Variants in KMT2A observed in about 807,000 individuals in gnomAD.
The protein encoded by KMT2A is lysine methyltransferase 2A.
A neutral mutation model predicts 345.3 loss-of-function variants in KMT2A; 16 were observed. That is an observed-to-expected ratio of 0.05 (90% CI 0.03 to 0.07). The LOEUF is 0.07. Ranked by LOEUF, KMT2A falls within the 10% of genes least tolerant of loss-of-function variation. The pLI is 1.00. For missense variants in KMT2A, 3,272 were observed against 4,841.6 expected (o/e 0.68, Z 9.62); for synonymous variants, 1,599 against 1,778.6 (o/e 0.90, Z 2.54).
At chr11:118,486,659 G>T (rs1477805615) in intron 10 of KMT2A, among the ~76,000 whole-genome samples, 2 of 152,036 alleles carry the variant, frequency 1.3e-5, no homozygotes, top group Non-Finnish European at 2.9e-5. Context: ...GACCGCTTGA[G>T]CTCAGGAGTT....
chr11:118,526,066 A>G lies in KMT2A; in HGVS notation c.*3894A>G, dbSNP rs1389981709. 1 of 217,938 alleles carries G rather than the reference A, an allele frequency of 4.6e-6. No homozygotes were observed. The highest frequency in any genetic ancestry group is 9.2e-6 in the Non-Finnish European group (1 of 108,446). 13.5% of individuals were successfully genotyped at this position (217,938 alleles called of 1,614,324 possible). ...CATGGCTTTTAATTCTCTTAACACT[A>G]TAGATAAGGATTGTGTTACAGTTGC... On this transcript the variant is annotated 3_prime_UTR_variant, in exon 36 of 36. Transcript: ENST00000534358.
rs781852468 is a variant in KMT2A, at chr11:118,505,794, C to T, written c.9902C>T (p.Pro3301Leu). The change falls in exon 27 of 36, where the codon CCG becomes CTG. Residue 3301 changes from proline (P) to leucine (L), a missense_variant. Transcript: ENST00000534358. The surrounding 1 kb of genome is among the most constrained non-coding windows in gnomAD (Gnocchi z 4.6). ...AAATCTAGCATCATGTATTTTGAACCGGCACCCCTGTTACCACAGAGTGTG... is the reference window on the plus strand; with the variant it reads ...AAATCTAGCATCATGTATTTTGAACTGGCACCCCTGTTACCACAGAGTGTG... ...RSKSSIMYFEPAPLLPQSVGG... is the reference protein window; with the variant it reads ...RSKSSIMYFELAPLLPQSVGG... 3 of 1,614,070 alleles carry T rather than the reference C, an allele frequency of 1.9e-6. No individual in the cohort carries two copies. Among genetic ancestry groups the T allele is most frequent in the Admixed American group, 3.3e-5 (2 of 60,012 alleles).
rs550341707 is a variant in KMT2A at position 118,511,001 on chromosome 11, T to C, written c.11071+883T>C. The stretch of plus-strand genomic sequence containing the variant: ...TCAGGTGAGATGGCATTGAAATCCA[T>C]GTGAGGTAATAGTGAAAGAGAAAAT... On this transcript the variant is annotated intron_variant, in intron 30 of 35. Transcript: ENST00000534358. 1.1e-4 allele frequency among the ~76,000 whole-genome samples: 17 copies of C among 152,186 alleles called. No homozygotes were observed. The East Asian group carries it at 3.3e-3, about 29-fold the overall frequency.
intron 2 of KMT2A, among the ~76,000 whole-genome samples, chr11:118,470,750 A>G (rs2134254696): frequency 6.6e-6 from 1 of 152,328 alleles, no homozygotes; most frequent in African/African-American, 2.4e-5. Context: ...GAATGTTATC[A>G]AAAGGGAAAA....
Position 118,472,244 on chromosome 11 carries a change from C to A in KMT2A, c.1085C>A (p.Pro362His), listed in dbSNP as rs1555035792. 6.2e-7 allele frequency: 1 copy of A among 1,613,972 alleles called. No individual in the cohort carries two copies. The highest frequency in any genetic ancestry group is 1.1e-5 in the South Asian group (1 of 91,070). The change falls in exon 3 of 36, where the codon CCT (proline) becomes CAT (histidine). Residue 362 changes from proline (P) to histidine (H), a missense_variant. By Grantham distance (77) the Pro-to-His change is moderately conservative (BLOSUM62 -2). Coordinates refer to ENST00000534358, the MANE Select transcript of KMT2A (RefSeq NM_001197104.2). ...PRRIKPVRIIPSSKRTDATIA... is the reference protein window; with the variant it reads ...PRRIKPVRIIHSSKRTDATIA... ...AGGATTAAGCCAGTTAGGATTATTCCTTCTTCAAAAAGGACAGATGCAACC... is the reference window on the plus strand; with the variant it reads ...AGGATTAAGCCAGTTAGGATTATTCATTCTTCAAAAAGGACAGATGCAACC...
chr11:118,469,936 G>C (rs1199930446), intron 2 of KMT2A, among the ~76,000 whole-genome samples: 1 of 152,198 alleles, frequency 6.6e-6, no homozygotes, highest in African/African-American at 2.4e-5. Context: ...TCAGACAGTA[G>C]CAGTGTTCTC....
At position 118,521,457 on chromosome 11, in the gene KMT2A, G is replaced by C. The variant is rs928860823; in HGVS notation, c.11643+40G>C. The C allele has an allele frequency of 6.2e-7, 1 of 1,608,952 alleles. No individual in the cohort carries two copies. The highest frequency in any genetic ancestry group is 8.5e-7 in the Non-Finnish European group (1 of 1,175,920). ...TGCACTCACACAGTTCTTTTGTTTTGCTGTAGAAAGGGACCAGTATGACCC... is the reference window on the plus strand; with the variant it reads ...TGCACTCACACAGTTCTTTTGTTTTCCTGTAGAAAGGGACCAGTATGACCC... On this transcript the variant is annotated intron_variant, in intron 35 of 35. Coordinates refer to ENST00000534358, the MANE Select transcript of KMT2A (RefSeq NM_001197104.2). This position sits in a 1 kb window ranked among gnomAD's most constrained non-coding sequence, Gnocchi z 5.3.
At chr11:118,511,832 C>G in intron 30 of KMT2A, 119 bp from the exon 31 acceptor site, 1 of 803,756 alleles carries the variant, frequency 1.2e-6, no homozygotes, top group Non-Finnish European at 2.1e-6. Context: ...AAACACTGCT[C>G]TAGGAGGGCA....
chr11:118,509,443 C>G (rs1950645338), intron 29 of KMT2A, among the ~76,000 whole-genome samples: 1 of 152,154 alleles, frequency 6.6e-6, no homozygotes, highest in African/African-American at 2.4e-5. Context: ...CCATACTCTT[C>G]TGCTGTACTG....
At chr11:118,485,775 T>C (rs968903338) in intron 10 of KMT2A, among the ~76,000 whole-genome samples, 12 of 152,130 alleles carry the variant, frequency 7.9e-5, no homozygotes, top group African/African-American at 1.9e-4. Context: ...ATAGGGAGCA[T>C]GGGTTAAAAT....
chr11:118,436,573 G>C lies in KMT2A; in HGVS notation c.61G>C (p.Gly21Arg). 1 of 1,193,372 alleles carries C rather than the reference G, an allele frequency of 8.4e-7. No individual in the cohort carries two copies. The highest frequency in any genetic ancestry group is 1.0e-6 in the Non-Finnish European group (1 of 953,000). 73.9% of individuals were successfully genotyped at this position (1,193,372 alleles called of 1,614,324 possible). ...ARPGTTGGGG[G>R]GGRRGLGGAP... The stretch of plus-strand genomic sequence containing the variant: ...ACCCGGGACCACCGGGGGCGGCGGC[G>C]GCGGGGGGCGCCGGGGCCTAGGGGG... Residue 21 changes from glycine (G) to arginine (R), a missense_variant, in exon 1 of 36, where the codon GGC (glycine) becomes CGC (arginine). By Grantham distance (125) the Gly-to-Arg change is moderately radical (BLOSUM62 -2). Transcript: ENST00000534358. The surrounding 1 kb of genome is among the most constrained non-coding windows in gnomAD (Gnocchi z 6.9).
In KMT2A at chr11:118,501,053, G is replaced by A. The variant is rs1319748661; in HGVS notation, c.6225G>A (p.Val2075=). The A allele has an allele frequency of 6.2e-7, 1 of 1,614,044 alleles. No individual in the cohort carries two copies. The highest frequency in any genetic ancestry group is 2.2e-5 in the East Asian group (1 of 44,900). The change falls in exon 25 of 36, where the codon GTG becomes GTA. Residue 2075 remains valine, a synonymous_variant. Transcript: ENST00000534358. The stretch of plus-strand genomic sequence containing the variant: ...GCTGTGTATATACATGCAAGATAGT[G>A]GAGTGCCGTCCTCCAGTCGTAGAGC... ...RKRCVYTCKI[V]ECRPPVVEPD...
rs1203325990 is a variant in KMT2A at position 118,498,566 on chromosome 11, G to T, written c.5961+38G>T. The stretch of plus-strand genomic sequence containing the variant: ...TAGTTGCTTTAAAAAAAAAAAAAAA[G>T]ACTTTTTTAGAGCAGTTTTAGGTTC... On this transcript the variant is annotated intron_variant, in intron 22 of 35. Transcript: ENST00000534358. This position sits in a 1 kb window ranked among gnomAD's most constrained non-coding sequence, Gnocchi z 4.4. The T allele has an allele frequency of 2.3e-6, 3 of 1,309,770 alleles. No individual in the cohort carries two copies. The highest frequency in any genetic ancestry group is 3.2e-6 in the Non-Finnish European group (3 of 949,586). The allele number at this position is 1,309,770 out of a possible 1,614,324, so 81.1% of individuals were successfully genotyped here.
In KMT2A at chr11:118,474,101, C is replaced by T. The variant is rs782382171; in HGVS notation, c.2942C>T (p.Pro981Leu). Residue 981 changes from proline (P) to leucine (L), a missense_variant, in exon 3 of 36, where the codon CCA (proline) becomes CTA (leucine). By Grantham distance (98) the Pro-to-Leu change is moderately conservative. Coordinates refer to ENST00000534358, the MANE Select transcript of KMT2A (RefSeq NM_001197104.2). ...AACTTGGACCTCGGCCCAACTGCCCCATCCCTGGAGAAGGAGAAAACCCTC... is the reference window on the plus strand; with the variant it reads ...AACTTGGACCTCGGCCCAACTGCCCTATCCCTGGAGAAGGAGAAAACCCTC... Reference protein sequence around the residue: ...KTNLDLGPTAPSLEKEKTLCL... With the variant: ...KTNLDLGPTALSLEKEKTLCL... 3 of 1,614,052 alleles carry T rather than the reference C, an allele frequency of 1.9e-6. No individual in the cohort carries two copies. Among genetic ancestry groups the T allele is most frequent in the African/African-American group, 1.3e-5 (1 of 74,928 alleles).
In KMT2A at chr11:118,473,476, C is replaced by T. The variant is rs199922480; in HGVS notation, c.2317C>T (p.Pro773Ser). Residue 773 changes from proline to serine, a missense_variant, in exon 3 of 36, where the codon CCG becomes TCG. Physicochemically the swap from Pro to Ser is moderately conservative, Grantham distance 74. This residue lies in a region of KMT2A where 209 missense variants were observed against 237.4 expected (regional missense o/e 0.88). Coordinates refer to ENST00000534358, the MANE Select transcript of KMT2A (RefSeq NM_001197104.2). The surrounding 1 kb of genome is among the most constrained non-coding windows in gnomAD (Gnocchi z 5.2). The stretch of plus-strand genomic sequence containing the variant: ...TTCTGAGCTCTCACCTCTCACCCCC[C>T]CGTCTTCTGTCTCTTCCTCGTTAAG... ...SSSELSPLTP[P>S]SSVSSSLSIS... 1.9e-6 allele frequency: 3 copies of T among 1,614,080 alleles called. No individual in the cohort carries two copies. The highest frequency in any genetic ancestry group is 2.5e-6 in the Non-Finnish European group (3 of 1,180,044).
intron 1 of KMT2A, among the ~76,000 whole-genome samples, chr11:118,463,150 G>A (rs1409999414): frequency 2.0e-5 from 3 of 150,890 alleles, no homozygotes; most frequent in African/African-American, 7.3e-5. Context: ...TAAAGATGGG[G>A]TCTTGCTATG....
Position 118,494,658 on chromosome 11 carries a change from T to C in KMT2A, c.5290-36T>C, listed in dbSNP as rs782806555. 14 of 1,565,592 alleles carry C rather than the reference T, an allele frequency of 8.9e-6. No individual in the cohort carries two copies. The South Asian group carries it at 1.6e-4, about 18-fold the overall frequency. On this transcript the variant is annotated intron_variant, in intron 17 of 35. Transcript: ENST00000534358. This position sits in a 1 kb window ranked among gnomAD's most constrained non-coding sequence, Gnocchi z 5.8. ...TTTTCATGTGGTATCTAAATGAGTGTTTACATATTTACATTTTGTTTGTGT... is the reference window on the plus strand; with the variant it reads ...TTTTCATGTGGTATCTAAATGAGTGCTTACATATTTACATTTTGTTTGTGT...
chr11:118,461,037 G>A (rs551114304), intron 1 of KMT2A, among the ~76,000 whole-genome samples: 2 of 152,258 alleles, frequency 1.3e-5, no homozygotes, highest in East Asian at 1.9e-4. Context: ...AGTTGTCTTA[G>A]TAGTACATAA....
chr11:118,467,171 G>A (rs1190603042), intron 1 of KMT2A, among the ~76,000 whole-genome samples: 1 of 152,086 alleles, frequency 6.6e-6, no homozygotes, highest in African/African-American at 2.4e-5. Flanking sequence ...GAGGTCAGGA[G>A]TTTGAGACCA....
Sources: allele counts gnomAD v4.1 joint callset (sites outside exome capture counted in the v4.1 genomes callset), GRCh38; gene constraint gnomAD v4.1.1; regional missense constraint gnomAD v4.1.1; non-coding constraint Gnocchi (gnomAD v3.1); transcripts MANE v1.5; gene names NCBI Gene and HGNC (gene_info 2026-07-23, HGNC 2026-07-21).